ZDHHC11: variants seen among roughly 807,000 people sequenced by gnomAD.
The protein encoded by ZDHHC11 is palmitoyltransferase ZDHHC11.
In ZDHHC11, 44 loss-of-function variants were observed where a neutral mutation model predicts 51.3. That is an observed-to-expected ratio of 0.86 (90% CI 0.67 to 1.10). The LOEUF (loss-of-function observed/expected upper bound fraction) is 1.10, where lower values mean the gene tolerates loss of function less well. Among genes scored for constraint, ZDHHC11 ranks in the 50% least tolerant of loss-of-function variants. The pLI is 0.00. For synonymous variants in ZDHHC11, 163 were observed against 222.0 expected (o/e 0.73, Z 2.36); for missense variants, 400 against 537.7 (o/e 0.74, Z 2.53).
At chr5:853,739 A>G (rs1447848171), upstream of ZDHHC11, among the ~76,000 whole-genome samples, 274 of 92,168 alleles carry the variant, frequency 3.0e-3, no homozygotes, top group African/African-American at 5.8e-3. Context: ...TGAGCTGGGG[A>G]GACAGATCCC....
At chr5:855,929 C>T (rs1579851928), upstream of ZDHHC11, among the ~76,000 whole-genome samples, 1 of 140,360 alleles carries the variant, frequency 7.1e-6, no homozygotes, top group South Asian at 2.4e-4. Context: ...GACAGCGAGC[C>T]GGGGGGACAG....
intron 1 of ZDHHC11, 89 bp downstream of exon 1, chr5:850,292 C>A: frequency 6.9e-7 from 1 of 1,441,716 alleles, no homozygotes; most frequent in Admixed American, 2.0e-5. Flanking sequence ...TGCCACCGGG[C>A]AGCCATGGCC....
intron 3 of ZDHHC11, among the ~76,000 whole-genome samples, chr5:846,137 T>C (rs905038121): frequency 1.3e-5 from 2 of 150,698 alleles, no homozygotes; most frequent in African/African-American, 4.9e-5. Context: ...GCCCCTACCA[T>C]CTCACGCAGC....
chr5:838,542 T>A (rs1299529861), intron 5 of ZDHHC11, among the ~76,000 whole-genome samples: 1 of 151,948 alleles, frequency 6.6e-6, no homozygotes, highest in East Asian at 1.9e-4. Context: ...TCCAGTCCTG[T>A]GAGGTAGAGA....
At chr5:842,728 C>T (rs1187486434) in intron 4 of ZDHHC11, 1 of 906,740 alleles carries the variant, frequency 1.1e-6, no homozygotes, top group African/African-American at 1.8e-5. Context: ...CCAGCAGACT[C>T]TTGCAGTCTG....
At chr5:832,277 G>A in intron 7 of ZDHHC11, among the ~76,000 whole-genome samples, 1 of 70,718 alleles carries the variant, frequency 1.4e-5, no homozygotes, top group South Asian at 4.9e-4. Flanking sequence ...ACATAAGAAT[G>A]ATGTAATGGG....
chr5:846,022 A>G (rs1296461267), intron 3 of ZDHHC11, among the ~76,000 whole-genome samples: 1 of 150,388 alleles, frequency 6.6e-6, no homozygotes, highest in Non-Finnish European at 1.5e-5. Flanking sequence ...GAATGAGTCC[A>G]GAAGGAAGTG....
chr5:814,617 A>C (rs567207150), intron 11 of ZDHHC11, 144 bp downstream of exon 11: 1 of 934,262 alleles, frequency 1.1e-6, no homozygotes, highest in East Asian at 2.9e-5. Flanking sequence ...GAATGGCTAT[A>C]AATGTTCAGA....
At chr5:799,162 T>C (rs1444106890) in intron 12 of ZDHHC11, among the ~76,000 whole-genome samples, 1 of 151,866 alleles carries the variant, frequency 6.6e-6, no homozygotes, top group Non-Finnish European at 1.5e-5. Flanking sequence ...AACAGATTAA[T>C]GCCCTCCCTC....
upstream of ZDHHC11, among the ~76,000 whole-genome samples, chr5:854,824 G>T (rs13186116): frequency 7.1e-6 from 1 of 141,780 alleles, no homozygotes; most frequent in South Asian, 2.3e-4. Context: ...AGAGGACAGC[G>T]AGCCGGGGGG....
chr5:819,520 C>A lies in ZDHHC11; in HGVS notation c.1146+5G>T. ...TCGGGGACAGCGCCAGTGATTGCAA[C>A]TTACCTGTGCCATCGAGCCCCCGTC... On this transcript the variant is annotated splice_donor_5th_base_variant and intron_variant, in intron 10 of 12. Transcript: ENST00000283441. 1 of 1,609,030 alleles carries A rather than the reference C, an allele frequency of 6.2e-7. No homozygotes were observed. The highest frequency in any genetic ancestry group is 1.7e-4 in the Middle Eastern group (1 of 6,056).
chr5:816,623 G>A, intron 10 of ZDHHC11: 1 of 627,674 alleles, frequency 1.6e-6, no homozygotes, highest in South Asian at 1.4e-5. Flanking sequence ...CTGTTGCTTT[G>A]CCATAGTGGC....
Position 843,616 on chromosome 5 carries a change from C to T in ZDHHC11, c.612G>A (p.Thr204=), listed in dbSNP as rs79767650. 2.6e-3 allele frequency: 4,255 copies of T among 1,607,218 alleles called. 5 individuals carry two copies. The African/African-American group carries it at 0.047, about 18-fold the overall frequency. ...GCCACGTACCTTCATACCTGGGGTC[C>T]GTGCGGAGCACCCCGGGGTTCACGA... ...QYLVNPGVLR[T]DPRYEDVKNM... Residue 204 remains threonine (T), a synonymous_variant, in exon 4 of 13, where the codon ACG becomes ACA. Transcript: ENST00000283441.
upstream of ZDHHC11, among the ~76,000 whole-genome samples, chr5:852,784 C>A (rs1010742540): frequency 7.0e-6 from 1 of 142,394 alleles, no homozygotes; most frequent in African/African-American, 2.7e-5. Flanking sequence ...GGGGAAGAGA[C>A]CCCACGGAGG....
At chr5:853,868 G>GGGC (rs1747705579), upstream of ZDHHC11, among the ~76,000 whole-genome samples, 1 of 147,570 alleles carries the variant, frequency 6.8e-6, no homozygotes. Context: ...GAGCAGCGGG[G>GGGC]ACAGACCCCA....
At chr5:805,495 C>T (rs1346215551) in intron 11 of ZDHHC11, among the ~76,000 whole-genome samples, 1 of 150,800 alleles carries the variant, frequency 6.6e-6, no homozygotes. Flanking sequence ...ATTATTATCC[C>T]CAGCATAACC....
At chr5:805,693 C>T (rs1739142796) in intron 11 of ZDHHC11, among the ~76,000 whole-genome samples, 12 of 151,044 alleles carry the variant, frequency 7.9e-5, no homozygotes, top group African/African-American at 2.4e-5. Flanking sequence ...TTACTTTAAA[C>T]ATTTTATATA....
At chr5:835,376 C>T (rs1393552717) in intron 6 of ZDHHC11, among the ~76,000 whole-genome samples, 4 of 151,756 alleles carry the variant, frequency 2.6e-5, no homozygotes, top group Non-Finnish European at 4.4e-5. Context: ...AAAGCTTTAA[C>T]TTTGGACCTT....
chr5:824,068 T>C, intron 8 of ZDHHC11: 1 of 455,006 alleles, frequency 2.2e-6, no homozygotes, highest in South Asian at 1.6e-5. Flanking sequence ...TTCCCTGAAA[T>C]CCTGGGGAAG....
Sources: gnomAD v4.1 joint callset for allele counts (sites outside exome capture counted in the v4.1 genomes callset) on GRCh38, gnomAD v4.1.1 for gene constraint, MANE v1.5 for transcripts, NCBI Gene and HGNC (gene_info 2026-07-23, HGNC 2026-07-21) for gene names.